ERCC6L2: variants seen among roughly 807,000 people sequenced by gnomAD.
ERCC6L2 encodes DNA excision repair protein ERCC-6-like 2.
In ERCC6L2, 77 loss-of-function variants were observed where a neutral mutation model predicts 132.0. That is an observed-to-expected ratio of 0.58 (90% CI 0.49 to 0.71). The LOEUF (loss-of-function observed/expected upper bound fraction) is 0.71. Among genes scored for constraint, ERCC6L2 ranks in the 30% least tolerant of loss-of-function variants. The pLI is 0.00. For synonymous variants in ERCC6L2, 583 were observed against 632.4 expected (o/e 0.92, Z 1.17); for missense variants, 1,542 against 1,837.6 (o/e 0.84, Z 2.94).
In ERCC6L2 at chr9:95,966,700, A is replaced by G; in HGVS notation, c.2086A>G (p.Lys696Glu). ...KFRSQGSCLT[K>E]DILEREGQVE... The stretch of plus-strand genomic sequence containing the variant: ...TAGGTCCCAAGGGTCTTGTCTTACG[A>G]AGGACATCCTGGAGGTGTGAACTTC... The change falls in exon 14 of 19, where the codon AAG (lysine) becomes GAG (glutamate). Residue 696 changes from lysine (K) to glutamate (E), a missense_variant. Lys to Glu is a moderately conservative substitution (Grantham distance 56). Around this residue, in one of 4 missense-constraint regions of ERCC6L2, gnomAD observed 945 missense variants for 1,105.2 expected, o/e 0.86. Transcript: ENST00000653738. 1 of 1,474,900 alleles carries G rather than the reference A, an allele frequency of 6.8e-7. No individual in the cohort carries two copies. Among genetic ancestry groups the G allele is most frequent in the South Asian group, 1.5e-5 (1 of 66,614 alleles). The allele number at this position is 1,474,900 out of a possible 1,614,324, so 91.4% of individuals were successfully genotyped here.
At chr9:95,928,502 T>A (rs1306389359) in intron 10 of ERCC6L2, among the ~76,000 whole-genome samples, 1 of 152,222 alleles carries the variant, frequency 6.6e-6, no homozygotes, top group Non-Finnish European at 1.5e-5. Context: ...AAAAGATTGA[T>A]TTTTAAAACA....
chr9:96,024,544 C>T (rs1834337128), intron 19 of ERCC6L2, among the ~76,000 whole-genome samples: 1 of 152,198 alleles, frequency 6.6e-6, no homozygotes, highest in Non-Finnish European at 1.5e-5. Context: ...TTGGTGGGCT[C>T]CGCCTCCTCC....
chr9:96,037,191 G>C (rs1337003605), intron 19 of ERCC6L2, among the ~76,000 whole-genome samples: 1 of 152,194 alleles, frequency 6.6e-6, no homozygotes, highest in Non-Finnish European at 1.5e-5. Flanking sequence ...AACACTTCTG[G>C]AGCTGGCCAG....
At chr9:95,920,335 T>G (rs140442420) in intron 6 of ERCC6L2, among the ~76,000 whole-genome samples, 2 of 152,194 alleles carry the variant, frequency 1.3e-5, no homozygotes, top group Non-Finnish European at 2.9e-5. Context: ...CTACTTCCAC[T>G]TAATGAACAG....
intron 3 of ERCC6L2, among the ~76,000 whole-genome samples, chr9:95,901,603 G>A (rs1420030095): frequency 6.6e-6 from 1 of 152,144 alleles, no homozygotes; most frequent in Non-Finnish European, 1.5e-5. Context: ...GAGGGCAGGG[G>A]GAGTTTTTGC....
In ERCC6L2 at chr9:95,875,803, C is replaced by T. The variant is rs1827216439; in HGVS notation, c.-236C>T. 5.2e-6 allele frequency: 3 copies of T among 576,476 alleles called. No homozygotes were observed. In the South Asian group the frequency reaches 6.3e-5, roughly 12 times the overall value. 35.7% of individuals were successfully genotyped at this position (576,476 alleles called of 1,614,324 possible). A position where few individuals can be genotyped will look rare whatever the true frequency, so the allele number is the denominator to read the frequency against. The stretch of plus-strand genomic sequence containing the variant: ...CTTTGCCAGCCTCACACAGCGTCCC[C>T]TGGCTCTGCCGCCGCTCCGGACGTC... On this transcript the variant is annotated 5_prime_UTR_variant, in exon 1 of 19. Transcript: ENST00000653738.
chr9:95,981,491 G>A (rs2133121578), intron 17 of ERCC6L2, among the ~76,000 whole-genome samples: 1 of 152,204 alleles, frequency 6.6e-6, no homozygotes, highest in African/African-American at 2.4e-5. Flanking sequence ...TTATTTGATA[G>A]TACAAATTAT....
At chr9:95,886,035 G>A (rs1200330444) in intron 2 of ERCC6L2, among the ~76,000 whole-genome samples, 1 of 151,940 alleles carries the variant, frequency 6.6e-6, no homozygotes, top group African/African-American at 2.4e-5. Context: ...GTTTTTTTGA[G>A]ATGGGGGTCT....
At position 96,014,446 on chromosome 9, in the gene ERCC6L2, C is replaced by G. The variant is rs2133232667; in HGVS notation, c.*1243C>G. On this transcript the variant is annotated 3_prime_UTR_variant, in exon 19 of 19. Transcript: ENST00000653738. Reference sequence around the variant, plus strand: ...AAGTCTTCTCAAGGGACTGATCGGCCAAGTATGCTTTTCTTTAGAGCAATG... The same window carrying G: ...AAGTCTTCTCAAGGGACTGATCGGCGAAGTATGCTTTTCTTTAGAGCAATG... The G allele has an allele frequency of 6.6e-6, 1 of 152,270 alleles. No individual in the cohort carries two copies. The allele number at this position is 152,270 out of a possible 1,614,324, so 9.4% of individuals were successfully genotyped here.
chr9:95,876,775 C>A (rs1451812329), intron 1 of ERCC6L2: 2 of 152,180 alleles, frequency 1.3e-5, no homozygotes, highest in Admixed American at 1.3e-4. Context: ...AGATATCGAT[C>A]TCATTAAATA....
intron 14 of ERCC6L2, 165 bp downstream of exon 14, chr9:95,966,879 G>A (rs1044137145): frequency 1.7e-5 from 8 of 459,754 alleles, no homozygotes; most frequent in Non-Finnish European, 2.9e-5. Context: ...ATGAATTATT[G>A]TACCTCTAAA....
At chr9:95,906,577 CAATTTTCCAGTG>C (rs1829046871) in intron 3 of ERCC6L2, 2 of 445,644 alleles carry the variant, frequency 4.5e-6, no homozygotes, top group Non-Finnish European at 9.0e-6. Context: ...CTGATTGCTT[CAATTTTCCAGTG>C]AATTTTCCAG....
At chr9:95,990,501 A>G (rs1031650459) in intron 17 of ERCC6L2, among the ~76,000 whole-genome samples, 4 of 152,202 alleles carry the variant, frequency 2.6e-5, no homozygotes, top group Non-Finnish European at 5.9e-5. Context: ...GCAGATTACC[A>G]TGAACAGGCA....
At chr9:96,028,483 TG>T (rs1164489056) in intron 19 of ERCC6L2, among the ~76,000 whole-genome samples, 7 of 152,328 alleles carry the variant, frequency 4.6e-5, no homozygotes, top group Non-Finnish European at 8.8e-5. Flanking sequence ...CTAAAATTCC[TG>T]GGGACCACTA....
chr9:95,890,053 A>G (rs1828077281), intron 2 of ERCC6L2, among the ~76,000 whole-genome samples: 1 of 152,078 alleles, frequency 6.6e-6, no homozygotes, highest in African/African-American at 2.4e-5. Context: ...TTTCTCAACC[A>G]TGCTCCTTCA....
At chr9:95,876,132 C>A in intron 1 of ERCC6L2, 48 bp downstream of exon 1, 1 of 1,507,676 alleles carries the variant, frequency 6.6e-7, no homozygotes, top group Non-Finnish European at 9.0e-7. Context: ...TGTACTGCGT[C>A]GCGTTGGACC....
At chr9:96,020,809 C>G, downstream of ERCC6L2, 1 of 456,760 alleles carries the variant, frequency 2.2e-6, no homozygotes, top group Non-Finnish European at 4.4e-6. Context: ...CAGAACACCC[C>G]TTCTCCAGTC....
At chr9:96,025,269 C>T (rs1834345485) in intron 19 of ERCC6L2, among the ~76,000 whole-genome samples, 1 of 152,222 alleles carries the variant, frequency 6.6e-6, no homozygotes, top group South Asian at 2.1e-4. Context: ...CTCTCTGTCA[C>T]TCTGGTGGGC....
At chr9:95,884,298 T>C (rs1827749078) in intron 2 of ERCC6L2, among the ~76,000 whole-genome samples, 1 of 152,178 alleles carries the variant, frequency 6.6e-6, no homozygotes, top group South Asian at 2.1e-4. Context: ...CATAGATAGG[T>C]GGTTTGAAAG....
Sources: allele counts gnomAD v4.1 joint callset (sites outside exome capture counted in the v4.1 genomes callset), GRCh38; gene constraint gnomAD v4.1.1; regional missense constraint gnomAD v4.1.1; transcripts MANE v1.5; gene names NCBI Gene and HGNC (gene_info 2026-07-23, HGNC 2026-07-21).